The following COPS2 variants were observed in gnomAD, a reference collection of about 807,000 sequenced individuals.
COPS2 encodes COP9 signalosome complex subunit 2.
COPS2 carries 10 observed loss-of-function variants against 66.1 expected under a neutral mutation model. That is an observed-to-expected ratio of 0.15 (90% CI 0.09 to 0.26). COPS2 has a LOEUF of 0.26. COPS2 is among the 10% of genes least tolerant of loss of function. The pLI is 1.00. For missense variants in COPS2, 215 were observed against 513.3 expected, an observed-to-expected ratio of 0.42 and a Z score of 5.62; for synonymous variants, 179 against 171.3, an observed-to-expected ratio of 1.04 and a Z score of -0.35.
chr15:49,136,983 C>T (rs2084257337), intron 6 of COPS2, among the ~76,000 whole-genome samples, 167 bp downstream of exon 6: 2 of 149,086 alleles, frequency 1.3e-5, no homozygotes, highest in Non-Finnish European at 3.0e-5. Context: ...AGAGCCATAC[C>T]CTCTCTCTCA....
chr15:49,134,212 T>G (rs2084234965), intron 7 of COPS2, 104 bp from the exon 8 acceptor site: 1 of 1,408,720 alleles, frequency 7.1e-7, no homozygotes, highest in South Asian at 1.4e-5. Flanking sequence ...TGCCTTTCAG[T>G]TTTTAAATTC....
intron 12 of COPS2, among the ~76,000 whole-genome samples, chr15:49,128,470 C>T (rs1389089036): frequency 6.6e-6 from 1 of 150,718 alleles, no homozygotes; most frequent in East Asian, 1.9e-4. Context: ...AATTCTTTGG[C>T]TGTATATAAT....
intron 3 of COPS2, among the ~76,000 whole-genome samples, chr15:49,142,227 C>G (rs917783602): frequency 1.2e-4 from 19 of 152,170 alleles, no homozygotes; most frequent in Non-Finnish European, 2.4e-4. Context: ...AATTTTCATT[C>G]TTTAACTAGA....
chr15:49,149,292 C>A (rs901591031), intron 1 of COPS2, among the ~76,000 whole-genome samples: 2 of 152,310 alleles, frequency 1.3e-5, no homozygotes, highest in Non-Finnish European at 2.9e-5. Flanking sequence ...GCTCTTTTTG[C>A]TAGAATTCTA....
At chr15:49,141,826 C>G (rs957795011) in intron 3 of COPS2, among the ~76,000 whole-genome samples, 16 of 152,292 alleles carry the variant, frequency 1.1e-4, no homozygotes, top group Middle Eastern at 6.8e-3. Context: ...GCAAAAAACC[C>G]TCTCCCTTCC....
Position 49,140,497 on chromosome 15 carries a change from A to AC in COPS2, c.247-845dup, listed in dbSNP as rs1459738330. Reference sequence around the variant, plus strand: ...AATACTCGTTTCAAGTCAAGAAAAGACCCCCCATCTAAGGTTCTATTCAAA... The same window carrying AC: ...AATACTCGTTTCAAGTCAAGAAAAGACCCCCCCATCTAAGGTTCTATTCAAA... On this transcript the variant is annotated intron_variant, in intron 3 of 12. Transcript: ENST00000388901. 5.9e-5 allele frequency among the ~76,000 whole-genome samples: 9 copies of AC among 151,762 alleles called. No individual in the cohort carries two copies. The East Asian group carries it at 1.4e-3, about 23-fold the overall frequency.
intron 3 of COPS2, among the ~76,000 whole-genome samples, chr15:49,141,719 G>A (rs1014256354): frequency 6.6e-6 from 1 of 152,118 alleles, no homozygotes; most frequent in Non-Finnish European, 1.5e-5. Context: ...AGAGGGGCAG[G>A]TACAGAAGCT....
chr15:49,140,063 C>G (rs921727426), intron 3 of COPS2, among the ~76,000 whole-genome samples: 5 of 152,008 alleles, frequency 3.3e-5, no homozygotes, highest in African/African-American at 9.7e-5. Flanking sequence ...CTTGACTCAC[C>G]GCAACCTCCG....
chr15:49,138,499 A>G (rs1293409353), intron 4 of COPS2, among the ~76,000 whole-genome samples: 1 of 152,222 alleles, frequency 6.6e-6, no homozygotes, highest in African/African-American at 2.4e-5. Context: ...AATTACTGGC[A>G]TAATATTTAT....
chr15:49,137,631 T>C (rs2084263038), intron 4 of COPS2, 194 bp from the exon 5 acceptor site: 2 of 520,412 alleles, frequency 3.8e-6, no homozygotes, highest in Non-Finnish European at 6.8e-6. Flanking sequence ...ACAAGTACCA[T>C]GATGCGTTGT....
At chr15:49,151,359 C>T (rs955403376) in intron 1 of COPS2, among the ~76,000 whole-genome samples, 15 of 150,070 alleles carry the variant, frequency 1.0e-4, no homozygotes, top group Admixed American at 9.9e-4. Flanking sequence ...GAGATCATGC[C>T]ACTGCACTCC....
At chr15:49,152,269 A>C (rs1015409886) in intron 1 of COPS2, among the ~76,000 whole-genome samples, 1 of 151,846 alleles carries the variant, frequency 6.6e-6, no homozygotes, top group East Asian at 1.9e-4. Flanking sequence ...AACCTGCTTC[A>C]TTAATCTTTT....
chr15:49,150,277 AAAAT>A (rs924630645), intron 1 of COPS2, among the ~76,000 whole-genome samples: 8 of 150,996 alleles, frequency 5.3e-5, no homozygotes, highest in African/African-American at 1.2e-4. Flanking sequence ...TAAAAATAAA[AAAAT>A]AAATAAATAA....
chr15:49,148,995 A>C (rs1449717972), intron 1 of COPS2, among the ~76,000 whole-genome samples: 1 of 152,216 alleles, frequency 6.6e-6, no homozygotes, highest in Non-Finnish European at 1.5e-5. Flanking sequence ...TAAAAGTGTA[A>C]ATGTTCTTTA....
intron 1 of COPS2, among the ~76,000 whole-genome samples, chr15:49,151,571 A>G (rs1307839857): frequency 1.3e-5 from 2 of 152,146 alleles, no homozygotes; most frequent in Admixed American, 6.5e-5. Flanking sequence ...TTAGCTTATC[A>G]ATGGCCTTAC....
intron 1 of COPS2, 119 bp downstream of exon 1, chr15:49,155,406 C>G: frequency 1.1e-6 from 1 of 887,602 alleles, no homozygotes; most frequent in Non-Finnish European, 1.9e-6. Flanking sequence ...GTCCTGTCAC[C>G]GCACTGAGAG....
At chr15:49,148,010 G>A (rs1198010513) in intron 1 of COPS2, among the ~76,000 whole-genome samples, 2 of 152,152 alleles carry the variant, frequency 1.3e-5, no homozygotes, top group Non-Finnish European at 2.9e-5. Context: ...CAGCCATCAT[G>A]ACATCACTAA....
intron 1 of COPS2, among the ~76,000 whole-genome samples, chr15:49,146,749 T>C (rs2084323527): frequency 6.6e-6 from 1 of 152,192 alleles, no homozygotes; most frequent in African/African-American, 2.4e-5. Context: ...TTTTAAGTTC[T>C]AATATCCTCA....
chr15:49,128,263 T>C (rs557312234), intron 12 of COPS2, among the ~76,000 whole-genome samples, 169 bp from the exon 13 acceptor site: 1 of 152,300 alleles, frequency 6.6e-6, no homozygotes, highest in East Asian at 1.9e-4. Flanking sequence ...AAACTCTAGA[T>C]AGAAACCAGA....
Sources: gnomAD v4.1 joint callset for allele counts (sites outside exome capture counted in the v4.1 genomes callset) on GRCh38, gnomAD v4.1.1 for gene constraint, MANE v1.5 for transcripts, NCBI Gene and HGNC (gene_info 2026-07-23, HGNC 2026-07-21) for gene names.